The following EIF4E variants were observed in gnomAD, a reference collection of about 807,000 sequenced individuals.
EIF4E encodes eukaryotic translation initiation factor 4E, also known as eIF-4F 25 kDa subunit.
For missense variants in EIF4E, 113 were observed against 265.6 expected, an observed-to-expected ratio of 0.43 and a Z score of 3.99; for synonymous variants, 71 against 88.5, an observed-to-expected ratio of 0.80 and a Z score of 1.11.
intron 1 of EIF4E, among the ~76,000 whole-genome samples, chr4:98,908,460 C>T (rs2110206416): frequency 6.6e-6 from 1 of 152,250 alleles, no homozygotes; most frequent in Middle Eastern, 3.4e-3. Flanking sequence ...CCAGCTGTGT[C>T]CATATTAGAA....
chr4:98,915,564 A>G (rs1002963903), intron 1 of EIF4E, among the ~76,000 whole-genome samples: 1 of 145,914 alleles, frequency 6.9e-6, no homozygotes, highest in African/African-American at 2.8e-5. Context: ...TTTTTGAGAC[A>G]GAGTCTTGCT....
At chr4:98,897,244 C>A (rs547939226) in intron 2 of EIF4E, among the ~76,000 whole-genome samples, 1 of 152,020 alleles carries the variant, frequency 6.6e-6, no homozygotes, top group South Asian at 2.1e-4. Context: ...TTACTACCAA[C>A]TCTCACAGTA....
intron 1 of EIF4E, among the ~76,000 whole-genome samples, chr4:98,915,516 A>C (rs898079861): frequency 2.0e-5 from 3 of 152,054 alleles, no homozygotes; most frequent in African/African-American, 7.2e-5. Context: ...CTCATGGGCC[A>C]ACAGCCAATA....
intron 2 of EIF4E, among the ~76,000 whole-genome samples, chr4:98,899,492 G>A (rs1244624884): frequency 6.6e-6 from 1 of 152,124 alleles, no homozygotes; most frequent in Non-Finnish European, 1.5e-5. Flanking sequence ...CAATAAAACA[G>A]AATAATGTGG....
intron 2 of EIF4E, among the ~76,000 whole-genome samples, chr4:98,892,815 C>T (rs1005890298): frequency 3.9e-5 from 6 of 152,182 alleles, no homozygotes; most frequent in Admixed American, 2.6e-4. Context: ...AATCAAATAC[C>T]TAACTGGGAA....
chr4:98,909,306 T>C (rs1444781612), intron 1 of EIF4E, among the ~76,000 whole-genome samples: 2 of 152,240 alleles, frequency 1.3e-5, no homozygotes, highest in Admixed American at 6.5e-5. Flanking sequence ...ATGAGAACAT[T>C]ATTTAATACA....
At position 98,898,472 on chromosome 4, in the gene EIF4E, G is replaced by C. The variant is rs190003610; in HGVS notation, c.125+3404C>G. 4.1e-4 allele frequency among the ~76,000 whole-genome samples: 62 copies of C among 151,990 alleles called. No homozygotes were observed. The South Asian group carries it at 7.3e-3, about 18-fold the overall frequency. On this transcript the variant is annotated intron_variant, in intron 2 of 6. Transcript: ENST00000450253. The stretch of plus-strand genomic sequence containing the variant: ...AAACTACAAAAATTAGCCGGGCATG[G>C]TGGCACACACCTGTGGTTCCGGCTA...
At chr4:98,891,609 A>T in intron 2 of EIF4E, 1 of 372,092 alleles carries the variant, frequency 2.7e-6, no homozygotes, top group Non-Finnish European at 4.8e-6. Flanking sequence ...GAGGTATAAG[A>T]AGTCAAATTC....
intron 6 of EIF4E, among the ~76,000 whole-genome samples, chr4:98,884,040 A>AG (rs1358353663): frequency 1.3e-5 from 2 of 149,034 alleles, no homozygotes; most frequent in Non-Finnish European, 3.0e-5. Flanking sequence ...CCCTGTCTCA[A>AG]AAAAAAAAAA....
intron 1 of EIF4E, chr4:98,909,795 G>T: frequency 1.4e-6 from 1 of 700,076 alleles, no homozygotes; most frequent in South Asian, 1.5e-5. Context: ...ACTTTTTCTC[G>T]ACCAACTGCT....
chr4:98,925,700 G>A (rs1037139841), intron 1 of EIF4E, among the ~76,000 whole-genome samples: 1 of 152,136 alleles, frequency 6.6e-6, no homozygotes. Flanking sequence ...AGATACCTAT[G>A]CATGATGGGA....
At chr4:98,895,945 C>T (rs1478816566) in intron 2 of EIF4E, among the ~76,000 whole-genome samples, 1 of 152,160 alleles carries the variant, frequency 6.6e-6, no homozygotes, top group Non-Finnish European at 1.5e-5. Flanking sequence ...CGCCCGTAAT[C>T]CCAGCACTTT....
At chr4:98,883,935 T>G (rs1169350000) in intron 6 of EIF4E, among the ~76,000 whole-genome samples, 1 of 150,042 alleles carries the variant, frequency 6.7e-6, no homozygotes, top group Non-Finnish European at 1.5e-5. Context: ...GCTAATTGGG[T>G]GGCTGAGGTA....
chr4:98,896,164 C>G (rs913754162), intron 2 of EIF4E, among the ~76,000 whole-genome samples: 60 of 140,362 alleles, frequency 4.3e-4, no homozygotes, highest in Non-Finnish European at 4.4e-5. Context: ...CCACTGCACT[C>G]CAGCCTGGTG....
intron 5 of EIF4E, 128 bp downstream of exon 5, chr4:98,886,951 C>T (rs1723948989): frequency 3.2e-6 from 3 of 926,926 alleles, no homozygotes; most frequent in Non-Finnish European, 5.1e-6. Flanking sequence ...AAAATAATTA[C>T]TGACCCTGAT....
At chr4:98,919,648 T>C (rs1205417184) in intron 1 of EIF4E, among the ~76,000 whole-genome samples, 1 of 147,090 alleles carries the variant, frequency 6.8e-6, no homozygotes, top group Admixed American at 6.9e-5. Context: ...AACCTCCGCC[T>C]CCCAGGTTCA....
At chr4:98,886,315 T>C (rs760507583) in intron 5 of EIF4E, 1 of 280,362 alleles carries the variant, frequency 3.6e-6, no homozygotes. Context: ...ATGCTTATTA[T>C]CTCATATTTA....
intron 2 of EIF4E, 66 bp from the exon 3 acceptor site, chr4:98,891,398 A>G: frequency 1.4e-6 from 2 of 1,461,014 alleles, no homozygotes. Flanking sequence ...AACATTATTC[A>G]CAAAAGTCAA....
In EIF4E at chr4:98,887,955, A is replaced by G; in HGVS notation, c.222-3T>C. The G allele has an allele frequency of 6.2e-7, 1 of 1,610,824 alleles. No individual in the cohort carries two copies. The highest frequency in any genetic ancestry group is 2.2e-5 in the East Asian group (1 of 44,696). On this transcript the variant is annotated splice_polypyrimidine_tract_variant and splice_region_variant and intron_variant, in intron 3 of 6. Transcript: ENST00000450253. This position sits in a 1 kb window ranked among gnomAD's most constrained non-coding sequence, Gnocchi z 4.0. ...ACAACTGGATATGGTTGTACAGACT[A>G]GGTAAAAGAAAATAACAATTAAAAA... is the stretch of plus-strand genomic sequence containing the variant.
Sources: gnomAD v4.1 joint callset for allele counts (sites outside exome capture counted in the v4.1 genomes callset) on GRCh38, gnomAD v4.1.1 for gene constraint, Gnocchi (gnomAD v3.1) non-coding constraint, MANE v1.5 for transcripts, NCBI Gene and HGNC (gene_info 2026-07-23, HGNC 2026-07-21) for gene names.